Variants in ASAP1 observed in about 807,000 individuals in gnomAD.
ASAP1 encodes arf-GAP with SH3 domain, ANK repeat and PH domain-containing protein 1.
ASAP1 carries 43 observed loss-of-function variants against 145.2 expected under a neutral mutation model. The observed-to-expected ratio is 0.30, with a 90% CI of 0.23 to 0.38. The LOEUF is 0.38. Among genes scored for constraint, ASAP1 ranks in the 10% least tolerant of loss-of-function variants. ASAP1 has a pLI of 1.00. For missense variants in ASAP1, 1,018 were observed against 1,355.3 expected, an observed-to-expected ratio of 0.75 and a Z score of 3.91; for synonymous variants, 546 against 515.5, an observed-to-expected ratio of 1.06 and a Z score of -0.80.
chr8:130,225,359 A>T (rs1450766016), intron 4 of ASAP1, among the ~76,000 whole-genome samples: 2 of 152,200 alleles, frequency 1.3e-5, no homozygotes, highest in African/African-American at 2.4e-5. Flanking sequence ...TAGTATTTTT[A>T]AAAACCCTTA....
intron 24 of ASAP1, among the ~76,000 whole-genome samples, chr8:130,108,691 ATAT>A: frequency 6.8e-6 from 1 of 147,230 alleles, no homozygotes; most frequent in South Asian, 2.1e-4. Context: ...AGGTTCTGTG[ATAT>A]TATTTTAATT....
chr8:130,376,267 G>T (rs1827486739), intron 2 of ASAP1, among the ~76,000 whole-genome samples: 1 of 152,180 alleles, frequency 6.6e-6, no homozygotes, highest in Admixed American at 6.5e-5. Flanking sequence ...CATCCTGCTG[G>T]GTCCACACAG....
intron 29 of ASAP1, among the ~76,000 whole-genome samples, chr8:130,055,075 T>C (rs2097400778): frequency 6.6e-6 from 1 of 152,198 alleles, no homozygotes; most frequent in Non-Finnish European, 1.5e-5. Flanking sequence ...GGATATTTCT[T>C]ATACAGTTTA....
At chr8:130,189,311 C>T (rs746342600) in intron 5 of ASAP1, among the ~76,000 whole-genome samples, 3 of 152,012 alleles carry the variant, frequency 2.0e-5, no homozygotes, top group Non-Finnish European at 4.4e-5. Flanking sequence ...TCTTTATTCC[C>T]TCCTCCCCAC....
At chr8:130,349,208 T>C (rs555343668) in intron 3 of ASAP1, among the ~76,000 whole-genome samples, 4 of 152,306 alleles carry the variant, frequency 2.6e-5, no homozygotes, top group East Asian at 3.9e-4. Flanking sequence ...TGACCCACAA[T>C]GGTCAAAGTG....
At chr8:130,116,220 G>A (rs2097555621) in intron 22 of ASAP1, among the ~76,000 whole-genome samples, 1 of 152,198 alleles carries the variant, frequency 6.6e-6, no homozygotes, top group African/African-American at 2.4e-5. Context: ...TGAAGGCCCT[G>A]ACTTGCTAAG....
At chr8:130,370,748 T>C (rs1306121204) in intron 2 of ASAP1, among the ~76,000 whole-genome samples, 2 of 152,220 alleles carry the variant, frequency 1.3e-5, no homozygotes, top group Non-Finnish European at 2.9e-5. Flanking sequence ...TGGCACATGC[T>C]ACAACATGGA....
chr8:130,062,199 A>AG (rs2097421025), intron 27 of ASAP1, among the ~76,000 whole-genome samples: 1 of 152,266 alleles, frequency 6.6e-6, no homozygotes, highest in African/African-American at 2.4e-5. Context: ...CCAAGGACAT[A>AG]GCCTGCACTC....
intron 24 of ASAP1, among the ~76,000 whole-genome samples, chr8:130,095,703 CT>C (rs200675500): frequency 0.017 from 2,519 of 151,590 alleles, 35 homozygotes; most frequent in East Asian, 0.053. Context: ...ACTGCAACTT[CT>C]GCCTCCCAGA....
intron 2 of ASAP1, 47 bp downstream of exon 2, chr8:130,401,838 T>C (rs758614925): frequency 6.4e-7 from 1 of 1,570,402 alleles, no homozygotes; most frequent in Non-Finnish European, 8.7e-7. Flanking sequence ...TCCCGCTGTA[T>C]CTCCCACGCC....
In ASAP1 at chr8:130,118,214, G is replaced by C; in HGVS notation, c.1827C>G (p.Val609=). Residue 609 remains valine (V), a synonymous_variant, in exon 20 of 30, where the codon GTC becomes GTG. Transcript: ENST00000518721. The part of the protein sequence containing the change: ...ELGETALHLA[V]RTADQTSLHL... Reference sequence around the variant, plus strand: ...GGAGAGATGTCTGATCTGCAGTTCGGACGGCAAGGTGAAGGGCTGTCTCCC... The same window carrying C: ...GGAGAGATGTCTGATCTGCAGTTCGCACGGCAAGGTGAAGGGCTGTCTCCC... 6.2e-7 allele frequency: 1 copy of C among 1,613,926 alleles called. No individual in the cohort carries two copies. The highest frequency in any genetic ancestry group is 1.1e-5 in the South Asian group (1 of 91,038).
intron 27 of ASAP1, among the ~76,000 whole-genome samples, chr8:130,070,134 T>C (rs2097439530): frequency 1.3e-5 from 2 of 150,836 alleles, no homozygotes; most frequent in South Asian, 4.2e-4. Flanking sequence ...CCTCCCGGGT[T>C]CACGCCATTC....
At chr8:130,413,008 T>C (rs1829331260) in intron 1 of ASAP1, among the ~76,000 whole-genome samples, 1 of 152,234 alleles carries the variant, frequency 6.6e-6, no homozygotes, top group Admixed American at 6.5e-5. Context: ...TGACACTAAC[T>C]ACACAAGCAA....
chr8:130,278,803 C>G (rs1440665423), intron 3 of ASAP1, among the ~76,000 whole-genome samples: 3 of 152,178 alleles, frequency 2.0e-5, no homozygotes, highest in Admixed American at 2.0e-4. Flanking sequence ...ACTCACCGTA[C>G]CCAGTAACCA....
intron 18 of ASAP1, among the ~76,000 whole-genome samples, chr8:130,119,420 G>A (rs2097561954): frequency 6.6e-6 from 1 of 152,226 alleles, no homozygotes; most frequent in Non-Finnish European, 1.5e-5. Context: ...CTGAAAGGGT[G>A]TAGTACTTTT....
Position 130,112,145 on chromosome 8 carries a change from T to G in ASAP1, c.2350A>C (p.Thr784Pro), listed in dbSNP as rs753556733. ...GGGGGAGCCTCCGTGGTTGGTGATGTGGGCGAGTCTGTGCTTGTGGAAACG... is the reference window on the plus strand; with the variant it reads ...GGGGGAGCCTCCGTGGTTGGTGATGGGGGCGAGTCTGTGCTTGTGGAAACG... ...IFVSTSTDSP[T>P]SPTTEAPPLP... Residue 784 changes from threonine to proline, a missense_variant, in exon 24 of 30, where the codon ACA (threonine) becomes CCA (proline). By Grantham distance (38) the Thr-to-Pro change is conservative. Coordinates refer to ENST00000518721, the MANE Select transcript of ASAP1 (RefSeq NM_018482.4). 6 of 1,614,168 alleles carry G rather than the reference T, an allele frequency of 3.7e-6. No homozygotes were observed. The Admixed American group carries it at 1.0e-4, about 27-fold the overall frequency.
At chr8:130,061,544 C>T (rs778193840) in intron 27 of ASAP1, among the ~76,000 whole-genome samples, 10 of 152,146 alleles carry the variant, frequency 6.6e-5, no homozygotes, top group Non-Finnish European at 1.0e-4. Flanking sequence ...TTGAATGGTG[C>T]ATTCTATTCC....
chr8:130,200,983 G>C (rs553690497), intron 5 of ASAP1, among the ~76,000 whole-genome samples: 1 of 152,168 alleles, frequency 6.6e-6, no homozygotes, highest in Non-Finnish European at 1.5e-5. Flanking sequence ...CCTTCCTAGT[G>C]GTTCTCAAAA....
At chr8:130,289,331 G>A (rs139971373) in intron 3 of ASAP1, among the ~76,000 whole-genome samples, 1 of 152,330 alleles carries the variant, frequency 6.6e-6, no homozygotes, top group African/African-American at 2.4e-5. Flanking sequence ...AAGCATCAGT[G>A]TGTTCACAGT....
Sources: gnomAD v4.1 joint callset for allele counts (sites outside exome capture counted in the v4.1 genomes callset) on GRCh38, gnomAD v4.1.1 for gene constraint, MANE v1.5 for transcripts, NCBI Gene and HGNC (gene_info 2026-07-23, HGNC 2026-07-21) for gene names.